The following SLC35F1 variants were observed in gnomAD, a reference collection of about 807,000 sequenced individuals.
SLC35F1 encodes the protein chromosome 6 open reading frame 169.
SLC35F1 carries 14 observed loss-of-function variants against 48.7 expected under a neutral mutation model. That is an observed-to-expected ratio of 0.29 (90% confidence interval 0.19 to 0.45). SLC35F1 has a LOEUF of 0.45. Among genes scored for constraint, SLC35F1 ranks in the 20% least tolerant of loss-of-function variants. The pLI is 1.00. For missense variants in SLC35F1, 404 were observed against 500.0 expected (o/e 0.81, Z 1.83); for synonymous variants, 190 against 202.2 (o/e 0.94, Z 0.51).
intron 1 of SLC35F1, among the ~76,000 whole-genome samples, chr6:117,909,915 G>A (rs761119090): frequency 5.9e-5 from 9 of 152,142 alleles, no homozygotes; most frequent in Non-Finnish European, 1.2e-4. Context: ...GTATACAACC[G>A]TGAATGGAAC....
At chr6:118,266,058 T>C (rs1775769788) in intron 3 of SLC35F1, among the ~76,000 whole-genome samples, 1 of 152,198 alleles carries the variant, frequency 6.6e-6, no homozygotes, top group African/African-American at 2.4e-5. Context: ...ATATGTAGTA[T>C]CTCTGAGGTT....
intron 1 of SLC35F1, among the ~76,000 whole-genome samples, chr6:117,922,770 A>G (rs1338978): frequency 0.45 from 68,740 of 151,924 alleles, 18,544 homozygotes; most frequent in South Asian, 0.73. Flanking sequence ...GGGATAATTA[A>G]TATCCTCTTT....
At chr6:118,091,421 G>A (rs1773071353) in intron 1 of SLC35F1, among the ~76,000 whole-genome samples, 1 of 152,184 alleles carries the variant, frequency 6.6e-6, no homozygotes, top group Admixed American at 6.5e-5. Flanking sequence ...CATGGGATCT[G>A]ATGGTTTTAT....
chr6:117,973,040 T>C (rs1224266131), intron 1 of SLC35F1, among the ~76,000 whole-genome samples: 3 of 152,198 alleles, frequency 2.0e-5, no homozygotes, highest in Non-Finnish European at 4.4e-5. Context: ...TCCCACAGAC[T>C]AGGAGGCTTA....
intron 1 of SLC35F1, among the ~76,000 whole-genome samples, chr6:117,980,188 C>A (rs1562254250): frequency 6.6e-6 from 1 of 152,120 alleles, no homozygotes; most frequent in Non-Finnish European, 1.5e-5. Context: ...AGGGGGGAAA[C>A]TTCAGAAATC....
At chr6:117,919,274 G>GT (rs1236954150) in intron 1 of SLC35F1, among the ~76,000 whole-genome samples, 2 of 152,120 alleles carry the variant, frequency 1.3e-5, no homozygotes, top group African/African-American at 4.8e-5. Context: ...AGCCTGTGTC[G>GT]TATGTTTTGT....
At chr6:118,238,117 A>G (rs1288519707) in intron 3 of SLC35F1, among the ~76,000 whole-genome samples, 2 of 152,106 alleles carry the variant, frequency 1.3e-5, no homozygotes, top group African/African-American at 4.8e-5. Context: ...TCTTAAACAC[A>G]CACACAATTT....
Position 118,048,822 on chromosome 6 carries a change from C to T in SLC35F1, c.174-105623C>T, listed in dbSNP as rs564724379. Reference sequence around the variant, plus strand: ...TTTATAGATTCAATGCCATCCCCATCAAGCTACCAATGTCTTTCTTCACAG... The same window carrying T: ...TTTATAGATTCAATGCCATCCCCATTAAGCTACCAATGTCTTTCTTCACAG... On this transcript the variant is annotated intron_variant, in intron 1 of 7. Transcript: ENST00000360388. Among the ~76,000 whole-genome samples, 850 of 152,294 alleles carry T rather than the reference C, an allele frequency of 5.6e-3. 3 individuals are homozygous for T. Among genetic ancestry groups the T allele is most frequent in the Non-Finnish European group, 9.8e-3 (669 of 68,014 alleles).
At chr6:118,124,372 A>C (rs1773594332) in intron 1 of SLC35F1, among the ~76,000 whole-genome samples, 1 of 152,192 alleles carries the variant, frequency 6.6e-6, no homozygotes, top group Non-Finnish European at 1.5e-5. Flanking sequence ...TTGGTTTAAA[A>C]GATAAAATCA....
rs1294865798 is a variant in SLC35F1, at chr6:117,923,676, TAC to T, written c.173+15779_173+15780del. ...GTACATATGTATATATACATATATGTACATATATACATATGTACATATACATA... is the reference window on the plus strand; with the variant it reads ...GTACATATGTATATATACATATATGTATATATACATATGTACATATACATA... On this transcript the variant is annotated intron_variant, in intron 1 of 7. Transcript: ENST00000360388. 5.7e-4 allele frequency among the ~76,000 whole-genome samples: 26 copies of T among 45,974 alleles called. 8 individuals are homozygous for T. The highest frequency in any genetic ancestry group is 0.023 in the Middle Eastern group (1 of 44). 30.2% of individuals were successfully genotyped at this position (45,974 alleles called of 152,430 possible).
chr6:117,969,749 A>C (rs1001695093), intron 1 of SLC35F1, among the ~76,000 whole-genome samples: 6 of 152,142 alleles, frequency 3.9e-5, no homozygotes, highest in Admixed American at 6.6e-5. Context: ...TCATAACCCA[A>C]AGAAAAACAT....
intron 1 of SLC35F1, among the ~76,000 whole-genome samples, chr6:118,093,477 A>G (rs1157591507): frequency 1.3e-5 from 2 of 152,200 alleles, no homozygotes; most frequent in Non-Finnish European, 2.9e-5. Flanking sequence ...TCATGGGGGC[A>G]GGTTATTCCC....
chr6:118,197,811 A>G (rs1440479658), intron 2 of SLC35F1, among the ~76,000 whole-genome samples: 2 of 152,102 alleles, frequency 1.3e-5, no homozygotes, highest in African/African-American at 4.8e-5. Flanking sequence ...TGAAAAGCTC[A>G]CTTTCTGAAA....
chr6:118,120,136 C>T (rs1303520321), intron 1 of SLC35F1, among the ~76,000 whole-genome samples: 2 of 152,100 alleles, frequency 1.3e-5, no homozygotes, highest in African/African-American at 4.8e-5. Context: ...TGGAAATTCC[C>T]AAAACCCAAA....
At chr6:117,943,744 T>G (rs2114821756) in intron 1 of SLC35F1, among the ~76,000 whole-genome samples, 1 of 152,338 alleles carries the variant, frequency 6.6e-6, no homozygotes, top group African/African-American at 2.4e-5. Context: ...TTTGTAGGTC[T>G]GAAAATGTTC....
chr6:118,243,111 C>T (rs1341899250), intron 3 of SLC35F1, among the ~76,000 whole-genome samples: 1 of 152,196 alleles, frequency 6.6e-6, no homozygotes, highest in Non-Finnish European at 1.5e-5. Flanking sequence ...ACTAATTCCA[C>T]AGGGCGTATA....
intron 1 of SLC35F1, among the ~76,000 whole-genome samples, chr6:118,039,799 G>GCTTTT (rs1772185182): frequency 9.4e-6 from 1 of 106,856 alleles, no homozygotes. Flanking sequence ...TCTCAGGATT[G>GCTTTT]TTTTTTTTGT....
At chr6:117,933,252 G>A (rs188441317) in intron 1 of SLC35F1, among the ~76,000 whole-genome samples, 24 of 152,096 alleles carry the variant, frequency 1.6e-4, no homozygotes, top group Middle Eastern at 3.4e-3. Context: ...TTATCAGTAC[G>A]TACCATATTC....
intron 2 of SLC35F1, among the ~76,000 whole-genome samples, chr6:118,190,082 C>T (rs1028207419): frequency 2.0e-5 from 3 of 152,192 alleles, no homozygotes; most frequent in African/African-American, 7.2e-5. Flanking sequence ...ATTTAGTTTG[C>T]TTTAACAATT....
Sources: allele counts gnomAD v4.1 joint callset (sites outside exome capture counted in the v4.1 genomes callset), GRCh38; gene constraint gnomAD v4.1.1; transcripts MANE v1.5; gene names NCBI Gene and HGNC (gene_info 2026-07-23, HGNC 2026-07-21).